Variants in RERE observed in about 807,000 individuals in gnomAD.
RERE encodes the protein arginine-glutamic acid dipeptide repeats protein.
Under a neutral mutation model 146.1 loss-of-function variants are expected in RERE, and 40 were observed. That is an observed-to-expected ratio of 0.27 (90% CI 0.21 to 0.36). The LOEUF (loss-of-function observed/expected upper bound fraction) is 0.36, where lower values mean the gene tolerates loss of function less well. Among genes scored for constraint, RERE ranks in the 10% least tolerant of loss-of-function variants. The pLI is 1.00. For missense variants in RERE, 1,933 were observed against 2,138.7 expected, an observed-to-expected ratio of 0.90 and a Z score of 1.90; for synonymous variants, 1,003 against 866.0, an observed-to-expected ratio of 1.16 and a Z score of -2.78.
chr1:8,644,929 A>G (rs1485532788), intron 2 of RERE, among the ~76,000 whole-genome samples: 1 of 152,168 alleles, frequency 6.6e-6, no homozygotes, highest in Non-Finnish European at 1.5e-5. Flanking sequence ...TTTCTTCCAC[A>G]CAGGTTATTT....
In RERE at chr1:8,776,868, C is replaced by T. The variant is rs541180511; in HGVS notation, c.-145+40292G>A. 2.6e-5 allele frequency among the ~76,000 whole-genome samples: 4 copies of T among 151,844 alleles called. No homozygotes were observed. In the South Asian group the frequency reaches 6.3e-4, roughly 24 times the overall value. ...CGGAATAGCTGAGAGTGTAGGCATG[C>T]GCCACCATGGCCAACTAATTTTTTT... On this transcript the variant is annotated intron_variant, in intron 1 of 22. Coordinates refer to ENST00000400908, the MANE Select transcript of RERE (RefSeq NM_001042681.2).
At chr1:8,382,710 C>T (rs1031793496) in intron 12 of RERE, among the ~76,000 whole-genome samples, 19 of 151,918 alleles carry the variant, frequency 1.3e-4, no homozygotes, top group African/African-American at 3.6e-4. Flanking sequence ...ACTGGCTGCA[C>T]GACCTTGAGC....
At chr1:8,410,634 A>T (rs1643588356) in intron 12 of RERE, among the ~76,000 whole-genome samples, 1 of 152,216 alleles carries the variant, frequency 6.6e-6, no homozygotes, top group African/African-American at 2.4e-5. Context: ...ACCTCAACAG[A>T]CAAGAAAGCT....
chr1:8,673,159 G>T (rs546893146), intron 1 of RERE, among the ~76,000 whole-genome samples: 1 of 152,174 alleles, frequency 6.6e-6, no homozygotes, highest in East Asian at 1.9e-4. Flanking sequence ...TCAATGGCAC[G>T]ATCTCAGCTC....
At chr1:8,608,502 T>C (rs1007803621) in intron 4 of RERE, among the ~76,000 whole-genome samples, 3 of 152,050 alleles carry the variant, frequency 2.0e-5, no homozygotes, top group African/African-American at 7.2e-5. Flanking sequence ...AGACCCTGTC[T>C]GTAAAATCAA....
chr1:8,660,088 C>T (rs1326322766), intron 1 of RERE, among the ~76,000 whole-genome samples: 1 of 151,718 alleles, frequency 6.6e-6, no homozygotes, highest in African/African-American at 2.4e-5. Flanking sequence ...AATACCATAT[C>T]ATTTATATAT....
In RERE at chr1:8,361,953, T is replaced by C. The variant is rs1196413543; in HGVS notation, c.1903-77A>G. On this transcript the variant is annotated intron_variant, in intron 16 of 22. Transcript: ENST00000400908. ...TCAGCCTCAGCAAGGAAATGACGGT[T>C]TGCAGACACTTTGCTCCCTCATTCT... 5.8e-6 allele frequency: 6 copies of C among 1,037,286 alleles called. No individual in the cohort carries two copies. The East Asian group carries it at 1.4e-4, about 25-fold the overall frequency. 64.3% of individuals were successfully genotyped at this position (1,037,286 alleles called of 1,614,324 possible).
chr1:8,605,396 T>C (rs998926022), intron 4 of RERE, among the ~76,000 whole-genome samples: 1 of 152,036 alleles, frequency 6.6e-6, no homozygotes, highest in African/African-American at 2.4e-5. Flanking sequence ...CCTCCCAAAG[T>C]GCTGGGATTA....
intron 4 of RERE, among the ~76,000 whole-genome samples, chr1:8,573,638 C>T (rs776453659): frequency 2.6e-5 from 4 of 152,140 alleles, no homozygotes; most frequent in African/African-American, 2.4e-5. Context: ...TAAAACTTTT[C>T]TATTCAAATT....
chr1:8,354,934 T>C lies in RERE; in HGVS notation c.*153A>G, dbSNP rs1180317053. The C allele has an allele frequency of 1.5e-6, 1 of 662,708 alleles. No individual in the cohort carries two copies. The highest frequency in any genetic ancestry group is 1.9e-5 in the South Asian group (1 of 51,416). The allele number at this position is 662,708 out of a possible 1,614,324, so 41.1% of individuals were successfully genotyped here. A position where few individuals can be genotyped will look rare whatever the true frequency, so the allele number is the denominator to read the frequency against. On this transcript the variant is annotated 3_prime_UTR_variant, in exon 23 of 23. Coordinates refer to ENST00000400908, the MANE Select transcript of RERE (RefSeq NM_001042681.2). ...TCCTCTCGACAAACGAACACTACTA[T>C]GTGGATACATTTTTAGTTGTGGGTT...
At chr1:8,724,448 A>C (rs1208427585) in intron 1 of RERE, among the ~76,000 whole-genome samples, 1 of 152,240 alleles carries the variant, frequency 6.6e-6, no homozygotes, top group East Asian at 1.9e-4. Context: ...GAAAACATTT[A>C]GTAAGTTAGT....
chr1:8,663,954 G>A (rs1398816111), intron 1 of RERE, among the ~76,000 whole-genome samples: 1 of 152,116 alleles, frequency 6.6e-6, no homozygotes, highest in African/African-American at 2.4e-5. Context: ...AATTCCAGGA[G>A]GCCTCCCAGA....
At chr1:8,686,126 T>C (rs1639080592) in intron 1 of RERE, among the ~76,000 whole-genome samples, 1 of 151,820 alleles carries the variant, frequency 6.6e-6, no homozygotes, top group Non-Finnish European at 1.5e-5. Context: ...GGACTACAGA[T>C]GCACATCACC....
rs138957074 is a variant in RERE at position 8,604,718 on chromosome 1, T to C, written c.522+9843A>G. On this transcript the variant is annotated intron_variant, in intron 4 of 22. Coordinates refer to ENST00000400908, the MANE Select transcript of RERE (RefSeq NM_001042681.2). The stretch of plus-strand genomic sequence containing the variant: ...GTGGGCAATAAAGGAACGATCTTTC[T>C]GTATTTCTCTACATTACAAATTCAA... Among the ~76,000 whole-genome samples the C allele has an allele frequency of 1.7e-3, 256 of 152,292 alleles. 1 individual carries two copies. Among genetic ancestry groups the C allele is most frequent in the African/African-American group, 6.0e-3 (248 of 41,566 alleles).
chr1:8,723,338 G>T lies in RERE; in HGVS notation c.-144-66897C>A, dbSNP rs150750120. ...CTGAATGGCTGTGGTTCAATATAAA[G>T]TATAGAAATGCAATTTTTTTCCCTC... On this transcript the variant is annotated intron_variant, in intron 1 of 22. Transcript: ENST00000400908. 7.0e-4 allele frequency among the ~76,000 whole-genome samples: 106 copies of T among 152,282 alleles called. 1 individual carries two copies. The East Asian group carries it at 0.014, about 20-fold the overall frequency.
chr1:8,784,394 T>C (rs1171908061), intron 1 of RERE, among the ~76,000 whole-genome samples: 1 of 152,198 alleles, frequency 6.6e-6, no homozygotes, highest in Non-Finnish European at 1.5e-5. Context: ...CATAACATTC[T>C]TGTTTATTAC....
intron 1 of RERE, among the ~76,000 whole-genome samples, chr1:8,720,728 G>A (rs1472421152): frequency 2.6e-5 from 4 of 152,108 alleles, no homozygotes; most frequent in Non-Finnish European, 4.4e-5. Context: ...CCCAAAATAC[G>A]TTACTTGTAC....
chr1:8,649,073 T>A (rs967174147), intron 2 of RERE, among the ~76,000 whole-genome samples: 1 of 151,718 alleles, frequency 6.6e-6, no homozygotes, highest in Admixed American at 6.6e-5. Context: ...CTGAAAACAG[T>A]AGAAAGAAAT....
intron 1 of RERE, among the ~76,000 whole-genome samples, chr1:8,716,744 A>C (rs1639772760): frequency 6.6e-6 from 1 of 152,120 alleles, no homozygotes. Flanking sequence ...TTTTTTAAAA[A>C]AAATTCACTA....
Sources: gnomAD v4.1 joint callset for allele counts (sites outside exome capture counted in the v4.1 genomes callset) on GRCh38, gnomAD v4.1.1 for gene constraint, MANE v1.5 for transcripts, NCBI Gene and HGNC (gene_info 2026-07-23, HGNC 2026-07-21) for gene names.